The following PSMB1 variants were observed in gnomAD, a reference collection of about 807,000 sequenced individuals.
PSMB1 encodes proteasome 20S subunit beta 1, also known as proteasome subunit beta type-1.
PSMB1 carries 7 observed loss-of-function variants against 25.4 expected under a neutral mutation model. The observed-to-expected ratio is 0.28, with a 90% CI of 0.16 to 0.52. The LOEUF (loss-of-function observed/expected upper bound fraction) is 0.52. Among genes scored for constraint, PSMB1 ranks in the 20% least tolerant of loss-of-function variants. The probability of loss-of-function intolerance (pLI) is 0.97; values close to 1 mark genes in which losing one functional copy is unlikely to be tolerated. For missense variants in PSMB1, 284 were observed against 302.2 expected, an observed-to-expected ratio of 0.94 and a Z score of 0.45; for synonymous variants, 119 against 115.0, an observed-to-expected ratio of 1.03 and a Z score of -0.22.
At chr6:170,537,596 T>C (rs915393003) in intron 4 of PSMB1, among the ~76,000 whole-genome samples, 3 of 152,174 alleles carry the variant, frequency 2.0e-5, no homozygotes, top group East Asian at 1.9e-4. Flanking sequence ...TGTTGGTGTG[T>C]TGTTCAAGGG....
At chr6:170,540,588 CAAA>C (rs5881872) in intron 4 of PSMB1, among the ~76,000 whole-genome samples, 116 of 61,156 alleles carry the variant, frequency 1.9e-3, no homozygotes, top group East Asian at 0.013. Flanking sequence ...GAATGGACAG[CAAA>C]AAAAAAAAAA....
At chr6:170,543,132 C>A (rs1778775811) in intron 4 of PSMB1, among the ~76,000 whole-genome samples, 1 of 152,064 alleles carries the variant, frequency 6.6e-6, no homozygotes, top group South Asian at 2.1e-4. Context: ...CTCAGGGAAT[C>A]CTGGTCTGAC....
intron 3 of PSMB1, among the ~76,000 whole-genome samples, chr6:170,544,919 TG>T (rs1778800087): frequency 6.6e-6 from 1 of 152,030 alleles, no homozygotes; most frequent in East Asian, 1.9e-4. Flanking sequence ...CCGAGATGGG[TG>T]GATCACCTGA....
chr6:170,546,741 A>T (rs750267089), intron 2 of PSMB1, among the ~76,000 whole-genome samples: 41 of 152,216 alleles, frequency 2.7e-4, no homozygotes, highest in Non-Finnish European at 5.4e-4. Flanking sequence ...CTGGGATTAC[A>T]GGTGTGAACC....
chr6:170,551,930 T>A (rs1025567331), intron 1 of PSMB1, among the ~76,000 whole-genome samples: 5 of 152,222 alleles, frequency 3.3e-5, no homozygotes, highest in African/African-American at 1.2e-4. Flanking sequence ...TAAGGAAATT[T>A]AGGTTCAAGA....
rs373030081 is a variant in PSMB1 at position 170,553,266 on chromosome 6, G to T, written c.-24C>A. ...ATCGCACGGCTGCGCCTGCGGATCC[G>T]ACACTTGCTGTCTCACGGCGAGATG... On this transcript the variant is annotated 5_prime_UTR_variant, in exon 1 of 6. Coordinates refer to ENST00000262193, the MANE Select transcript of PSMB1 (RefSeq NM_002793.4). 6.4e-7 allele frequency: 1 copy of T among 1,555,968 alleles called. No homozygotes were observed. The highest frequency in any genetic ancestry group is 8.8e-7 in the Non-Finnish European group (1 of 1,134,832).
intron 5 of PSMB1, 95 bp downstream of exon 5, chr6:170,537,139 T>C (rs1301339618): frequency 1.1e-6 from 1 of 945,880 alleles, no homozygotes; most frequent in African/African-American, 1.6e-5. Flanking sequence ...TTGGCTCTCC[T>C]AAGCTAATGA....
Position 170,535,218 on chromosome 6 carries a change from G to T in PSMB1, c.*2C>A. 1 of 1,613,490 alleles carries T rather than the reference G, an allele frequency of 6.2e-7. No individual in the cohort carries two copies. Among genetic ancestry groups the T allele is most frequent in the Non-Finnish European group, 8.5e-7 (1 of 1,179,526 alleles). On this transcript the variant is annotated 3_prime_UTR_variant, in exon 6 of 6. Coordinates refer to ENST00000262193, the MANE Select transcript of PSMB1 (RefSeq NM_002793.4). ...AACTGATTGGTGATAAGAGCACACA[G>T]ATCAGTCCTTCCTTAAGGAAACAGT...
intron 1 of PSMB1, among the ~76,000 whole-genome samples, chr6:170,550,814 A>G (rs7758044): frequency 0.54 from 81,537 of 151,128 alleles, 22,326 homozygotes; most frequent in East Asian, 0.79. Context: ...ACTTAGATGA[A>G]CAGAATGATG....
At chr6:170,546,015 T>C (rs1169161086) in intron 3 of PSMB1, 88 bp downstream of exon 3, 2 of 1,134,678 alleles carry the variant, frequency 1.8e-6, no homozygotes, top group Non-Finnish European at 2.6e-6. Flanking sequence ...TCTCTAGCTA[T>C]CTGACCAACA....
At chr6:170,539,820 G>A (rs1778735639) in intron 4 of PSMB1, among the ~76,000 whole-genome samples, 1 of 152,142 alleles carries the variant, frequency 6.6e-6, no homozygotes. Context: ...TAAGAAAACA[G>A]GAAGCCAAAA....
At chr6:170,549,324 G>A (rs1326093988) in intron 1 of PSMB1, 3 of 484,304 alleles carry the variant, frequency 6.2e-6, no homozygotes, top group African/African-American at 3.9e-5. Flanking sequence ...CTAAATCAGG[G>A]CAAAGTCTCC....
chr6:170,544,042 C>T (rs1778787320), intron 3 of PSMB1, among the ~76,000 whole-genome samples: 1 of 152,144 alleles, frequency 6.6e-6, no homozygotes, highest in Non-Finnish European at 1.5e-5. Context: ...TTAAATCCAT[C>T]TCTCTCCCTC....
intron 4 of PSMB1, among the ~76,000 whole-genome samples, chr6:170,537,844 A>T (rs527366954): frequency 2.8e-4 from 43 of 152,316 alleles, no homozygotes; most frequent in African/African-American, 1.0e-3. Flanking sequence ...TCTGTAGGAC[A>T]CATCAGCCAA....
At chr6:170,549,344 G>GT in intron 1 of PSMB1, 1 of 458,252 alleles carries the variant, frequency 2.2e-6, no homozygotes, top group Non-Finnish European at 3.9e-6. Flanking sequence ...CTTGGCAGGA[G>GT]TTAACAGAAA....
chr6:170,546,024 C>T, intron 3 of PSMB1, 79 bp downstream of exon 3: 2 of 1,239,562 alleles, frequency 1.6e-6, no homozygotes, highest in Admixed American at 2.0e-5. Flanking sequence ...ATCTGACCAA[C>T]AGTCATGCTG....
At chr6:170,551,860 C>T (rs1481577593) in intron 1 of PSMB1, among the ~76,000 whole-genome samples, 1 of 152,148 alleles carries the variant, frequency 6.6e-6, no homozygotes, top group African/African-American at 2.4e-5. Flanking sequence ...TGACAGCTTG[C>T]AATTTACAAA....
At chr6:170,545,392 GT>G (rs1169509108) in intron 3 of PSMB1, among the ~76,000 whole-genome samples, 1 of 152,040 alleles carries the variant, frequency 6.6e-6, no homozygotes, top group East Asian at 1.9e-4. Flanking sequence ...GGCTTTCAAT[GT>G]AAGTTTCTAA....
At chr6:170,543,764 A>G (rs1177210871) in intron 3 of PSMB1, 34 bp from the exon 4 acceptor site, 1 of 1,587,732 alleles carries the variant, frequency 6.3e-7, no homozygotes, top group Non-Finnish European at 8.6e-7. Context: ...AGGCATGTAG[A>G]GGCAGAGGCC....
Sources: gnomAD v4.1 joint callset for allele counts (sites outside exome capture counted in the v4.1 genomes callset) on GRCh38, gnomAD v4.1.1 for gene constraint, MANE v1.5 for transcripts, NCBI Gene and HGNC (gene_info 2026-07-23, HGNC 2026-07-21) for gene names.